The following NDUFC1 variants were observed in gnomAD, a reference collection of about 807,000 sequenced individuals.
NDUFC1 encodes NADH dehydrogenase [ubiquinone] 1 subunit C1, mitochondrial.
NDUFC1 carries 11 observed loss-of-function variants against 11.6 expected under a neutral mutation model. The observed-to-expected ratio is 0.95, with a 90% CI of 0.60 to 1.58. The LOEUF (loss-of-function observed/expected upper bound fraction) is 1.58. Among genes scored for constraint, NDUFC1 ranks in the 40% most tolerant of loss-of-function variants. The pLI, the probability that NDUFC1 is intolerant of heterozygous loss-of-function variation, is 0.00. For missense variants in NDUFC1, 112 were observed against 93.0 expected, an observed-to-expected ratio of 1.20 and a Z score of -0.84; for synonymous variants, 52 against 42.2, an observed-to-expected ratio of 1.23 and a Z score of -0.90.
Position 139,295,060 on chromosome 4 carries a change from C to G in NDUFC1, c.154G>C (p.Val52Leu), listed in dbSNP as rs200399570. 1 of 1,614,016 alleles carries G rather than the reference C, an allele frequency of 6.2e-7. No individual in the cohort carries two copies. The highest frequency in any genetic ancestry group is 2.2e-5 in the East Asian group (1 of 44,884). Reference sequence around the variant, plus strand: ...GTACTTACATAGATCCACAAGAAGACAGTGGTGCCCAAGGTGAACCCAACT... The same window carrying G: ...GTACTTACATAGATCCACAAGAAGAGAGTGGTGCCCAAGGTGAACCCAACT... ...LKVGFTLGTT[V>L]FLWIYLIKQH... The change falls in exon 4 of 6, where the codon GTC becomes CTC. Residue 52 changes from valine to leucine, a missense_variant. Val to Leu is a conservative substitution (Grantham distance 32). Coordinates refer to ENST00000394223, the MANE Select transcript of NDUFC1 (RefSeq NM_001184989.2).
intron 1 of NDUFC1, chr4:139,301,932 G>A: frequency 7.7e-6 from 10 of 1,297,370 alleles, no homozygotes; most frequent in Non-Finnish European, 1.1e-5. Context: ...ACTCCCGCCC[G>A]GGACCCCGCC....
chr4:139,301,782 C>T (rs751587048), intron 1 of NDUFC1: 3 of 1,578,880 alleles, frequency 1.9e-6, no homozygotes, highest in Non-Finnish European at 2.6e-6. Context: ...GGAACGATGC[C>T]GGCCGTGAGC....
chr4:139,292,044 A>G (rs1215030116), intron 5 of NDUFC1, among the ~76,000 whole-genome samples: 3 of 152,084 alleles, frequency 2.0e-5, no homozygotes, highest in Non-Finnish European at 2.9e-5. Flanking sequence ...TCACTGTGTT[A>G]GCCAGGATGG....
chr4:139,292,778 T>C (rs555121334), intron 4 of NDUFC1, among the ~76,000 whole-genome samples, 169 bp from the exon 5 acceptor site: 1 of 151,842 alleles, frequency 6.6e-6, no homozygotes, highest in South Asian at 2.1e-4. Context: ...CACCACAATG[T>C]GACATCCTAA....
intron 1 of NDUFC1, among the ~76,000 whole-genome samples, chr4:139,297,834 T>C (rs945009497): frequency 6.6e-6 from 1 of 152,172 alleles, no homozygotes; most frequent in Non-Finnish European, 1.5e-5. Context: ...GAGAACAAGG[T>C]AAATGGATTG....
chr4:139,301,857 G>C, intron 1 of NDUFC1: 5 of 1,577,430 alleles, frequency 3.2e-6, no homozygotes, highest in Non-Finnish European at 4.3e-6. Context: ...CGGGCAAGCG[G>C]TGGGGAGGAT....
At chr4:139,291,647 T>G (rs1279288703) in intron 5 of NDUFC1, among the ~76,000 whole-genome samples, 1 of 152,154 alleles carries the variant, frequency 6.6e-6, no homozygotes, top group Non-Finnish European at 1.5e-5. Context: ...ATGGACCAGA[T>G]GAGCAAGTTG....
intron 2 of NDUFC1, among the ~76,000 whole-genome samples, chr4:139,297,029 T>C (rs561976788): frequency 1.1e-3 from 169 of 152,336 alleles, no homozygotes; most frequent in African/African-American, 3.9e-3. Context: ...TGAGTCACTT[T>C]AGTTTGTAAC....
At chr4:139,299,475 A>G (rs1276877216) in intron 1 of NDUFC1, among the ~76,000 whole-genome samples, 3 of 152,198 alleles carry the variant, frequency 2.0e-5, no homozygotes, top group Non-Finnish European at 4.4e-5. Context: ...CACATGGGGT[A>G]AGATGAATTA....
chr4:139,299,795 T>C (rs984760668), intron 1 of NDUFC1, among the ~76,000 whole-genome samples: 1 of 152,228 alleles, frequency 6.6e-6, no homozygotes, highest in African/African-American at 2.4e-5. Flanking sequence ...TATTTCTGGC[T>C]CATCTAATCA....
At chr4:139,298,296 G>A (rs1001554956) in intron 1 of NDUFC1, among the ~76,000 whole-genome samples, 16 of 151,242 alleles carry the variant, frequency 1.1e-4, no homozygotes, top group African/African-American at 3.2e-4. Context: ...AAAATTAGCC[G>A]GGCATGGTGG....
chr4:139,295,431 G>C (rs780923298), intron 3 of NDUFC1, among the ~76,000 whole-genome samples: 72 of 152,268 alleles, frequency 4.7e-4, no homozygotes, highest in Middle Eastern at 3.4e-3. Context: ...GCCCCGGGGA[G>C]GGTGTCTCCT....
chr4:139,295,684 G>A (rs1357679165), intron 3 of NDUFC1, 48 bp downstream of exon 3: 34 of 1,526,296 alleles, frequency 2.2e-5, no homozygotes, highest in Non-Finnish European at 2.8e-5. Context: ...TCCGCCTTAG[G>A]AGGGGTAATC....
chr4:139,295,658 G>T (rs1745432231), intron 3 of NDUFC1, 74 bp downstream of exon 3: 2 of 1,467,868 alleles, frequency 1.4e-6, no homozygotes, highest in Middle Eastern at 2.2e-4. Flanking sequence ...GCCGCCTCCT[G>T]CACCCGTGGG....
intron 5 of NDUFC1, among the ~76,000 whole-genome samples, chr4:139,290,745 T>C (rs1329559527): frequency 1.3e-5 from 2 of 151,964 alleles, no homozygotes; most frequent in African/African-American, 4.8e-5. Flanking sequence ...GTACACTGTA[T>C]ATGGTATACT....
intron 1 of NDUFC1, 100 bp downstream of exon 1, chr4:139,302,314 CTT>C (rs1745816247): frequency 6.4e-6 from 1 of 156,122 alleles, no homozygotes; most frequent in Non-Finnish European, 1.4e-5. Flanking sequence ...TTCCTCCTCT[CTT>C]GGGATTCACC....
intron 2 of NDUFC1, 62 bp from the exon 3 acceptor site, chr4:139,296,022 C>T (rs898110826): frequency 7.8e-6 from 4 of 513,126 alleles, no homozygotes; most frequent in Non-Finnish European, 1.3e-5. Flanking sequence ...ATTCTCTGTC[C>T]TCTGGGGGTT....
chr4:139,295,634 G>C, intron 3 of NDUFC1, 98 bp downstream of exon 3: 1 of 1,361,674 alleles, frequency 7.3e-7, no homozygotes. Flanking sequence ...ACTGCAGGAC[G>C]AACCCGGGCC....
At chr4:139,295,190 G>A (rs754314157) in intron 3 of NDUFC1, 44 bp from the exon 4 acceptor site, 2 of 1,490,426 alleles carry the variant, frequency 1.3e-6, no homozygotes, top group South Asian at 1.1e-5. Flanking sequence ...TTACTGCCTT[G>A]TAGGGAAAAA....
Sources: allele counts gnomAD v4.1 joint callset (sites outside exome capture counted in the v4.1 genomes callset), GRCh38; gene constraint gnomAD v4.1.1; transcripts MANE v1.5; gene names NCBI Gene and HGNC (gene_info 2026-07-23, HGNC 2026-07-21).